CDH23: variants seen among roughly 807,000 people sequenced by gnomAD.
The protein encoded by CDH23 is cadherin-23.
Under a neutral mutation model 317.1 loss-of-function variants are expected in CDH23, and 189 were observed. The ratio of observed to expected loss-of-function variants is 0.60; its 90% CI spans 0.53 to 0.67. CDH23 has a LOEUF of 0.67. Among genes scored for constraint, CDH23 ranks in the 30% least tolerant of loss-of-function variants. The pLI is 0.00. For missense variants in CDH23, 4,401 were observed against 4,592.4 expected (o/e 0.96, Z 1.20); for synonymous variants, 1,839 against 1,876.8 (o/e 0.98, Z 0.52).
Position 71,715,808 on chromosome 10 carries a change from G to A in CDH23, c.3369+2995G>A, listed in dbSNP as rs1400086138. The stretch of plus-strand genomic sequence containing the variant: ...CTGGCCTGGGCATGCAAGGAGCTTC[G>A]GGGGGTGAGTGTGTGTCCCAGACTG... On this transcript the variant is annotated intron_variant, in intron 28 of 69. Coordinates refer to ENST00000224721, the MANE Select transcript of CDH23 (RefSeq NM_022124.6). 4.5e-5 allele frequency: 40 copies of A among 898,176 alleles called. 1 individual carries two copies. In the East Asian group the frequency reaches 9.3e-4, roughly 21 times the overall value. 55.6% of individuals were successfully genotyped at this position (898,176 alleles called of 1,614,324 possible).
chr10:71,493,685 A>T (rs1852791290), intron 3 of CDH23, among the ~76,000 whole-genome samples: 1 of 152,172 alleles, frequency 6.6e-6, no homozygotes, highest in African/African-American at 2.4e-5. Flanking sequence ...GCTCTGAGAG[A>T]TCCTGCAGGA....
Position 71,778,296 on chromosome 10 carries a change from C to T in CDH23, c.5175C>T (p.Thr1725=). The change falls in exon 40 of 70, where the codon ACC becomes ACT. Residue 1725 remains threonine (T), a synonymous_variant. Coordinates refer to ENST00000224721, the MANE Select transcript of CDH23 (RefSeq NM_022124.6). ...DQCPILSHRL[T]STTTVLVNVN... ...GCCCCATCTTATCCCACCGCCTCAC[C>T]TCTACCACCACGGTGGGTGCATGGG... The T allele has an allele frequency of 1.9e-6, 3 of 1,613,960 alleles. No individual in the cohort carries two copies. The highest frequency in any genetic ancestry group is 2.2e-5 in the South Asian group (2 of 91,070).
chr10:71,532,712 T>A (rs1564636258), intron 6 of CDH23, among the ~76,000 whole-genome samples: 9 of 32,230 alleles, frequency 2.8e-4, no homozygotes, highest in Non-Finnish European at 1.7e-4. Context: ...TTTGTTTTTG[T>A]TTTTTTTTTT....
intron 3 of CDH23, among the ~76,000 whole-genome samples, chr10:71,500,082 A>C (rs2132165199): frequency 6.6e-6 from 1 of 152,062 alleles, no homozygotes; most frequent in East Asian, 1.9e-4. Context: ...AGTTAGCAAT[A>C]ATTTATTGTA....
chr10:71,766,399 C>T (rs1001424930), intron 38 of CDH23, among the ~76,000 whole-genome samples: 10 of 152,160 alleles, frequency 6.6e-5, no homozygotes, highest in Admixed American at 5.9e-4. Flanking sequence ...GGAGGCAGGG[C>T]CACCTAGAGG....
At chr10:71,716,245 C>G in intron 28 of CDH23, 1 of 1,549,698 alleles carries the variant, frequency 6.5e-7, no homozygotes, top group Non-Finnish European at 8.7e-7. Context: ...GGTCAGTTGC[C>G]TCTGCAAGGG....
chr10:71,716,014 G>A (rs992981670), intron 28 of CDH23: 1 of 1,501,616 alleles, frequency 6.7e-7, no homozygotes, highest in East Asian at 2.5e-5. Context: ...GAGGGACGGT[G>A]GGCCGGCCAT....
At chr10:71,761,961 C>T (rs747668966) in intron 38 of CDH23, 3 of 1,613,760 alleles carry the variant, frequency 1.9e-6, no homozygotes, top group South Asian at 1.1e-5. Flanking sequence ...GTGAGGGTGA[C>T]GTTCTGCCCC....
At chr10:71,590,349 C>A (rs1055928105) in intron 9 of CDH23, among the ~76,000 whole-genome samples, 2 of 152,234 alleles carry the variant, frequency 1.3e-5, no homozygotes, top group Non-Finnish European at 2.9e-5. Flanking sequence ...AGCCTTACCC[C>A]TCCCCACCAC....
In CDH23 at chr10:71,798,511, G is replaced by A. The variant is rs1196867929; in HGVS notation, c.6987G>A (p.Gly2329=). 1 of 1,613,952 alleles carries A rather than the reference G, an allele frequency of 6.2e-7. No homozygotes were observed. Among genetic ancestry groups the A allele is most frequent in the South Asian group, 1.1e-5 (1 of 91,082 alleles). The change falls in exon 50 of 70, where the codon GGG becomes GGA. Residue 2329 remains glycine (G), a synonymous_variant. Transcript: ENST00000224721. ...TGGACCCTGACAAGGGCCTTAATGG[G>A]CTGGTCACCTACACCCTGCTGGACC... is the stretch of plus-strand genomic sequence containing the variant. The part of the protein sequence containing the change: ...AAVDPDKGLN[G]LVTYTLLDLV...
Position 71,815,341 on chromosome 10 carries a change from G to C in CDH23, c.*63G>C. 6.9e-7 allele frequency: 1 copy of C among 1,452,220 alleles called. No individual in the cohort carries two copies. Among genetic ancestry groups the C allele is most frequent in the Non-Finnish European group, 9.2e-7 (1 of 1,086,458 alleles). The allele number at this position is 1,452,220 out of a possible 1,614,324, so 90.0% of individuals were successfully genotyped here. A position where few individuals can be genotyped will look rare whatever the true frequency, so the allele number is the denominator to read the frequency against. ...TCCACCGTCCCCTCCCAGGGAGCAA[G>C]GGCAGGGACAGGGCCGGTCGGGGGG... On this transcript the variant is annotated 3_prime_UTR_variant, in exon 70 of 70. Transcript: ENST00000224721.
chr10:71,573,709 G>A (rs865865829), intron 8 of CDH23, among the ~76,000 whole-genome samples: 7 of 152,344 alleles, frequency 4.6e-5, no homozygotes, highest in Middle Eastern at 3.4e-3. Context: ...CTAGACCCCC[G>A]ATCTGGGTGG....
In CDH23 at chr10:71,645,878, C is replaced by A; in HGVS notation, c.1188C>A (p.His396Gln). The change falls in exon 13 of 70, where the codon CAC becomes CAA. Residue 396 changes from histidine to glutamine, a missense_variant. Transcript: ENST00000224721. ...TGTACTTGGTGGGGAACAACTCCCA[C>A]CACTTCATCATCTCCCCGACCTCCG... is the stretch of plus-strand genomic sequence containing the variant. Reference protein sequence around the residue: ...FEVYLVGNNSHHFIISPTSVQ... With the variant: ...FEVYLVGNNSQHFIISPTSVQ... 6.2e-7 allele frequency: 1 copy of A among 1,613,528 alleles called. No individual in the cohort carries two copies. The highest frequency in any genetic ancestry group is 8.5e-7 in the Non-Finnish European group (1 of 1,179,536).
chr10:71,513,492 C>G (rs991521839), intron 6 of CDH23, among the ~76,000 whole-genome samples: 3 of 152,154 alleles, frequency 2.0e-5, no homozygotes, highest in Non-Finnish European at 4.4e-5. Flanking sequence ...AAGGGCCCTG[C>G]AAATGTGAAC....
rs116967133 is a variant in CDH23 at position 71,638,792 on chromosome 10, C to T, written c.1135-5069C>T. Among the ~76,000 whole-genome samples the T allele has an allele frequency of 3.3e-5, 5 of 152,244 alleles. No homozygotes were observed. The East Asian group carries it at 7.7e-4, about 24-fold the overall frequency. The stretch of plus-strand genomic sequence containing the variant: ...CGGGTCTGCTGGGACAGACTCAGGT[C>T]GGCTGGCTCTGGGAGCCTTAGAGAG... On this transcript the variant is annotated intron_variant, in intron 11 of 69. Transcript: ENST00000224721.
At chr10:71,491,115 G>T (rs1852633652) in intron 3 of CDH23, among the ~76,000 whole-genome samples, 1 of 152,210 alleles carries the variant, frequency 6.6e-6, no homozygotes, top group African/African-American at 2.4e-5. Context: ...TCGATTGGGT[G>T]CTTTAAAGTC....
At chr10:71,761,626 A>G (rs778595953) in intron 38 of CDH23, 29 of 1,606,904 alleles carry the variant, frequency 1.8e-5, no homozygotes, top group African/African-American at 1.3e-5. Context: ...CCATGGCACC[A>G]TGGACCCTGT....
At chr10:71,709,245 A>T (rs1333085360) in intron 27 of CDH23, 34 bp downstream of exon 27, 22 of 1,581,938 alleles carry the variant, frequency 1.4e-5, no homozygotes, top group Non-Finnish European at 1.9e-5. Flanking sequence ...CAACACAGTG[A>T]TCTGGGCAGA....
At chr10:71,517,558 T>TGG (rs11387932) in intron 6 of CDH23, among the ~76,000 whole-genome samples, 22 of 152,056 alleles carry the variant, frequency 1.4e-4, no homozygotes, top group African/African-American at 2.9e-4. Flanking sequence ...AGCGAGAAGC[T>TGG]GGGGGGGAGA....
Sources: allele counts gnomAD v4.1 joint callset (sites outside exome capture counted in the v4.1 genomes callset), GRCh38; gene constraint gnomAD v4.1.1; transcripts MANE v1.5; gene names NCBI Gene and HGNC (gene_info 2026-07-23, HGNC 2026-07-21).